DISP1: variants seen among roughly 807,000 people sequenced by gnomAD.
The protein encoded by DISP1 is dispatched RND transporter family member 1.
Under a neutral mutation model 37.3 loss-of-function variants are expected in DISP1, and 30 were observed. That is an observed-to-expected ratio of 0.80 (90% CI 0.60 to 1.09). The LOEUF is 1.09. DISP1 is among the 50% of genes least tolerant of loss of function. The probability of loss-of-function intolerance (pLI) is 0.00; values close to 1 mark genes in which losing one functional copy is unlikely to be tolerated. For synonymous variants in DISP1, 634 were observed against 690.2 expected (o/e 0.92, Z 1.28); for missense variants, 1,598 against 1,879.5 (o/e 0.85, Z 2.77).
At chr1:222,967,542 C>A (rs1676593459) in intron 3 of DISP1, among the ~76,000 whole-genome samples, 1 of 152,056 alleles carries the variant, frequency 6.6e-6, no homozygotes, top group African/African-American at 2.4e-5. Context: ...TTTAAGTTTT[C>A]CATATGAAAG....
Position 222,990,650 on chromosome 1 carries a change from C to T in DISP1, c.565C>T (p.Pro189Ser), listed in dbSNP as rs867592832. ...TTATGCAGCCCTGATAGCCGACTGG[C>T]CGGTGGTGGTCTTGGGCATGTGCAC... ...KSYAALIADW[P>S]VVVLGMCTMF... is the part of the protein sequence containing the mutation. The change falls in exon 5 of 9, where the codon CCG (proline) becomes TCG (serine). Residue 189 changes from proline (P) to serine (S), a missense_variant. Coordinates refer to ENST00000675850, the MANE Select transcript of DISP1 (RefSeq NM_001377229.1). 2 of 1,614,090 alleles carry T rather than the reference C, an allele frequency of 1.2e-6. No individual in the cohort carries two copies. The highest frequency in any genetic ancestry group is 1.1e-5 in the South Asian group (1 of 91,082).
intron 3 of DISP1, among the ~76,000 whole-genome samples, chr1:222,952,063 T>C (rs957119875): frequency 6.6e-6 from 1 of 152,254 alleles, no homozygotes; most frequent in Non-Finnish European, 1.5e-5. Context: ...GATTGATTAC[T>C]AATAGTGAAA....
intron 3 of DISP1, among the ~76,000 whole-genome samples, chr1:222,966,818 G>T (rs981173576): frequency 1.3e-5 from 2 of 152,128 alleles, no homozygotes; most frequent in African/African-American, 2.4e-5. Flanking sequence ...AGACTTGAGT[G>T]AAATCAGAAT....
chr1:222,987,295 G>C (rs946094697), intron 4 of DISP1, among the ~76,000 whole-genome samples: 1 of 152,204 alleles, frequency 6.6e-6, no homozygotes, highest in Non-Finnish European at 1.5e-5. Context: ...GTGGTGTTGA[G>C]AAGAAATACT....
Position 222,943,110 on chromosome 1 carries a change from G to C in DISP1, c.287G>C (p.Ser96Thr), listed in dbSNP as rs181998645. The C allele has an allele frequency of 2.1e-4, 335 of 1,614,076 alleles. 2 individuals carry two copies. The East Asian group carries it at 6.8e-3, about 33-fold the overall frequency. Residue 96 changes from serine to threonine, a missense_variant, in exon 3 of 9, where the codon AGT becomes ACT. By Grantham distance (58) the Ser-to-Thr change is moderately conservative. Coordinates refer to ENST00000675850, the MANE Select transcript of DISP1 (RefSeq NM_001377229.1). The part of the protein sequence containing the change: ...PYHHPLTSHS[S>T]HQECHPEAGP... Reference sequence around the variant, plus strand: ...CATCACCCTTTGACTAGCCATAGCAGTCACCAAGAGTGCCATCCCGAGGCT... The same window carrying C: ...CATCACCCTTTGACTAGCCATAGCACTCACCAAGAGTGCCATCCCGAGGCT...
Position 222,953,341 on chromosome 1 carries a change from C to G in DISP1, c.509+10009C>G, listed in dbSNP as rs760635979. Among the ~76,000 whole-genome samples the G allele has an allele frequency of 2.0e-5, 3 of 152,212 alleles. No individual in the cohort carries two copies. The East Asian group carries it at 5.8e-4, about 29-fold the overall frequency. On this transcript the variant is annotated intron_variant, in intron 3 of 8. Coordinates refer to ENST00000675850, the MANE Select transcript of DISP1 (RefSeq NM_001377229.1). Reference sequence around the variant, plus strand: ...TGTTTTTGTTATTGTTTCATGCCTGCGCTTAATCCTGTTGGTATTGTTTTA... The same window carrying G: ...TGTTTTTGTTATTGTTTCATGCCTGGGCTTAATCCTGTTGGTATTGTTTTA...
intron 2 of DISP1, among the ~76,000 whole-genome samples, chr1:222,930,158 T>C (rs1356908906): frequency 1.3e-5 from 2 of 152,156 alleles, no homozygotes; most frequent in Non-Finnish European, 2.9e-5. Flanking sequence ...AAATCTGCTT[T>C]TCAGTGTTTG....
chr1:222,980,154 A>G (rs573325762), intron 3 of DISP1, among the ~76,000 whole-genome samples: 3 of 152,232 alleles, frequency 2.0e-5, no homozygotes, highest in Non-Finnish European at 4.4e-5. Flanking sequence ...ACAATGCAGC[A>G]GGTCTATGGT....
intron 3 of DISP1, among the ~76,000 whole-genome samples, chr1:222,950,575 C>G: frequency 6.6e-6 from 1 of 150,856 alleles, no homozygotes; most frequent in South Asian, 2.1e-4. Context: ...ACTCCGGCCT[C>G]GAGGACAGAG....
At chr1:222,975,191 A>T (rs993458693) in intron 3 of DISP1, among the ~76,000 whole-genome samples, 1 of 151,812 alleles carries the variant, frequency 6.6e-6, no homozygotes, top group Admixed American at 6.6e-5. Context: ...ACCCCAGCTA[A>T]TTTTTTTATT....
intron 1 of DISP1, among the ~76,000 whole-genome samples, chr1:222,842,660 A>G (rs1161684201): frequency 6.6e-6 from 1 of 152,076 alleles, no homozygotes. Flanking sequence ...CCCTCCCAAC[A>G]TACAAACATG....
chr1:223,005,086 C>T lies in DISP1; in HGVS notation c.3689C>T (p.Pro1230Leu), dbSNP rs957973705. Reference protein sequence around the residue: ...FNSQAKNLGMPVHAAYNSELS... With the variant: ...FNSQAKNLGMLVHAAYNSELS... Reference sequence around the variant, plus strand: ...AGCCAAGCAAAGAATTTAGGGATGCCTGTGCATGCAGCTTACAACAGTGAA... The same window carrying T: ...AGCCAAGCAAAGAATTTAGGGATGCTTGTGCATGCAGCTTACAACAGTGAA... The change falls in exon 9 of 9, where the codon CCT (proline) becomes CTT (leucine). Residue 1230 changes from proline (P) to leucine (L), a missense_variant. Coordinates refer to ENST00000675850, the MANE Select transcript of DISP1 (RefSeq NM_001377229.1). The T allele has an allele frequency of 6.2e-7, 1 of 1,614,076 alleles. No homozygotes were observed.
intron 1 of DISP1, among the ~76,000 whole-genome samples, chr1:222,828,640 C>G (rs1409275838): frequency 1.3e-5 from 2 of 152,138 alleles, no homozygotes; most frequent in Non-Finnish European, 2.9e-5. Context: ...CGTACAGGCC[C>G]TCAAGTTTTG....
At chr1:222,837,566 G>C (rs1345171922) in intron 1 of DISP1, among the ~76,000 whole-genome samples, 1 of 151,936 alleles carries the variant, frequency 6.6e-6, no homozygotes, top group Non-Finnish European at 1.5e-5. Flanking sequence ...TTGTGGGTGG[G>C]GCACAATGCT....
chr1:222,865,266 A>G (rs1669119654), intron 1 of DISP1, among the ~76,000 whole-genome samples: 1 of 152,144 alleles, frequency 6.6e-6, no homozygotes. Context: ...TTTGTCATGA[A>G]TCATACTACC....
In DISP1 at chr1:222,836,129, T is replaced by C. The variant is rs1340776969; in HGVS notation, c.-159+21051T>C. On this transcript the variant is annotated intron_variant, in intron 1 of 8. Coordinates refer to ENST00000675850, the MANE Select transcript of DISP1 (RefSeq NM_001377229.1). ...AGGGCACACTTGGTACTAGAATCTT[T>C]AAGTGACCATGAAATGAAGGTAAAC... Among the ~76,000 whole-genome samples the C allele has an allele frequency of 2.6e-5, 4 of 152,154 alleles. 1 individual carries two copies. In the East Asian group the frequency reaches 7.7e-4, roughly 29 times the overall value.
chr1:222,927,646 A>T (rs560587835), intron 1 of DISP1, among the ~76,000 whole-genome samples: 1 of 152,188 alleles, frequency 6.6e-6, no homozygotes, highest in Admixed American at 6.5e-5. Context: ...TTGCATACAT[A>T]TTTTTATTAC....
At chr1:222,824,647 A>G (rs945240385) in intron 1 of DISP1, among the ~76,000 whole-genome samples, 1 of 152,080 alleles carries the variant, frequency 6.6e-6, no homozygotes. Context: ...ACCATAATTA[A>G]TGTAGCATCT....
intron 8 of DISP1, among the ~76,000 whole-genome samples, chr1:223,001,603 T>C (rs928959003): frequency 2.0e-5 from 3 of 152,196 alleles, no homozygotes; most frequent in African/African-American, 7.2e-5. Flanking sequence ...TTAATTCTTA[T>C]AGTTCCAGAG....
Sources: allele counts gnomAD v4.1 joint callset (sites outside exome capture counted in the v4.1 genomes callset), GRCh38; gene constraint gnomAD v4.1.1; transcripts MANE v1.5; gene names NCBI Gene and HGNC (gene_info 2026-07-23, HGNC 2026-07-21).